The following POLR3E variants were observed in gnomAD, a reference collection of about 807,000 sequenced individuals.
POLR3E encodes DNA-directed RNA polymerase III subunit RPC5.
In POLR3E, 41 loss-of-function variants were observed where a neutral mutation model predicts 96.6. The ratio of observed to expected loss-of-function variants is 0.42; its 90% CI spans 0.33 to 0.55. The LOEUF (loss-of-function observed/expected upper bound fraction) is 0.55, where lower values mean the gene tolerates loss of function less well. Ranked by LOEUF, POLR3E falls within the 20% of genes least tolerant of loss-of-function variation. The probability of loss-of-function intolerance (pLI) is 0.06; values close to 1 mark genes in which losing one functional copy is unlikely to be tolerated. For missense variants in POLR3E, 849 were observed against 952.1 expected (o/e 0.89, Z 1.43); for synonymous variants, 396 against 383.6 (o/e 1.03, Z -0.38).
chr16:22,310,565 G>A (rs964730536), intron 6 of POLR3E, among the ~76,000 whole-genome samples: 1 of 151,234 alleles, frequency 6.6e-6, no homozygotes, highest in African/African-American at 2.4e-5. Flanking sequence ...GGGATTACAG[G>A]TGTGAGCCAC....
chr16:22,328,470 G>T lies in POLR3E; in HGVS notation c.1867-40G>T, dbSNP rs373454891. The T allele has an allele frequency of 2.3e-5, 35 of 1,541,306 alleles. No individual in the cohort carries two copies. The African/African-American group carries it at 4.5e-4, about 20-fold the overall frequency. Reference sequence around the variant, plus strand: ...TGAGGCAAGCAAATGGATCCATGGGGTAGAGATGGACAAGCAACTCACCCC... The same window carrying T: ...TGAGGCAAGCAAATGGATCCATGGGTTAGAGATGGACAAGCAACTCACCCC... On this transcript the variant is annotated intron_variant, in intron 18 of 20. Coordinates refer to ENST00000299853, the MANE Select transcript of POLR3E (RefSeq NM_018119.4).
At chr16:22,311,957 G>A (rs1449449042) in intron 6 of POLR3E, among the ~76,000 whole-genome samples, 2 of 152,166 alleles carry the variant, frequency 1.3e-5, no homozygotes, top group African/African-American at 2.4e-5. Flanking sequence ...TGCACTCTGC[G>A]ATGTTTGCAC....
At chr16:22,300,887 G>C (rs1465623441) in intron 1 of POLR3E, among the ~76,000 whole-genome samples, 1 of 152,138 alleles carries the variant, frequency 6.6e-6, no homozygotes, top group Non-Finnish European at 1.5e-5. Context: ...CTGTGTACTA[G>C]GCACTTGGGG....
chr16:22,329,938 TAGC>T (rs2048700316), intron 19 of POLR3E, among the ~76,000 whole-genome samples: 1 of 151,386 alleles, frequency 6.6e-6, no homozygotes, highest in South Asian at 2.1e-4. Context: ...ACCACTAAAA[TAGC>T]TGCCCCCATT....
At chr16:22,315,366 C>T (rs898658969) in intron 9 of POLR3E, among the ~76,000 whole-genome samples, 158 bp downstream of exon 9, 2 of 152,180 alleles carry the variant, frequency 1.3e-5, no homozygotes, top group African/African-American at 4.8e-5. Context: ...TCACTCCAGC[C>T]GAGCCACTTA....
chr16:22,312,873 CAA>C (rs1167609047), intron 6 of POLR3E, among the ~76,000 whole-genome samples: 1 of 30,398 alleles, frequency 3.3e-5, no homozygotes. Flanking sequence ...CACTCCATCT[CAA>C]AAAAAAAAAA....
intron 19 of POLR3E, among the ~76,000 whole-genome samples, chr16:22,329,843 A>G (rs1214891611): frequency 2.0e-5 from 3 of 151,668 alleles, no homozygotes; most frequent in Non-Finnish European, 4.4e-5. Context: ...TGGCCAGGCT[A>G]GTCTTGAACT....
At chr16:22,309,194 C>T (rs907138519) in intron 5 of POLR3E, 154 bp downstream of exon 5, 5 of 652,704 alleles carry the variant, frequency 7.7e-6, no homozygotes, top group Non-Finnish European at 1.4e-5. Context: ...ACTCTGCCCT[C>T]CTGAACTAGC....
chr16:22,325,716 C>A (rs1389378198), intron 17 of POLR3E, 45 bp from the exon 18 acceptor site: 2 of 1,507,782 alleles, frequency 1.3e-6, no homozygotes, highest in Non-Finnish European at 1.8e-6. Flanking sequence ...CTTTTGGCTT[C>A]AGATCCCTGT....
chr16:22,321,061 G>A (rs1437893932), intron 13 of POLR3E, among the ~76,000 whole-genome samples: 1 of 152,152 alleles, frequency 6.6e-6, no homozygotes, highest in Non-Finnish European at 1.5e-5. Flanking sequence ...GCCTTTCAGT[G>A]GTTTCTCTTC....
rs772083914 is a variant in POLR3E at position 22,325,284 on chromosome 16, G to A, written c.1348+18G>A. ...ACAATCAGGTGTGTGAGGGGCTTTG[G>A]GCTGGGAGGCCCCGGCTCCTACACT... On this transcript the variant is annotated intron_variant, in intron 17 of 20. Coordinates refer to ENST00000299853, the MANE Select transcript of POLR3E (RefSeq NM_018119.4). The A allele has an allele frequency of 6.2e-7, 1 of 1,603,654 alleles. No individual in the cohort carries two copies. The highest frequency in any genetic ancestry group is 1.7e-5 in the Admixed American group (1 of 60,006).
intron 8 of POLR3E, 45 bp from the exon 9 acceptor site, chr16:22,315,044 G>C (rs939426351): frequency 1.2e-6 from 2 of 1,601,724 alleles, no homozygotes; most frequent in African/African-American, 2.7e-5. Context: ...AGTCCAGCAA[G>C]GGTCACAGGC....
Position 22,326,224 on chromosome 16 carries a change from C to A in POLR3E, c.1812C>A (p.Asp604Glu), listed in dbSNP as rs1420140642. Residue 604 changes from aspartate (D) to glutamate (E), a missense_variant, in exon 18 of 21, where the codon GAC becomes GAA. Coordinates refer to ENST00000299853, the MANE Select transcript of POLR3E (RefSeq NM_018119.4). Reference protein sequence around the residue: ...PGHTLFSGISDRMLQDTVLAA... With the variant: ...PGHTLFSGISERMLQDTVLAA... ...ACACACTCTTCAGCGGCATCTCGGACCGCATGCTACAGGACACGGTGCTGG... is the reference window on the plus strand; with the variant it reads ...ACACACTCTTCAGCGGCATCTCGGAACGCATGCTACAGGACACGGTGCTGG... The A allele has an allele frequency of 6.2e-7, 1 of 1,613,392 alleles. No individual in the cohort carries two copies. The highest frequency in any genetic ancestry group is 8.5e-7 in the Non-Finnish European group (1 of 1,179,856).
chr16:22,316,992 C>T lies in POLR3E; in HGVS notation c.729-3C>T. 2.5e-6 allele frequency: 4 copies of T among 1,614,022 alleles called. No individual in the cohort carries two copies. The highest frequency in any genetic ancestry group is 3.4e-6 in the Non-Finnish European group (4 of 1,179,860). ...AGCCTCTGCCCCTGCCATGTCCCTG[C>T]AGTGAGTACCTGATGATGCTGATGC... On this transcript the variant is annotated splice_polypyrimidine_tract_variant and splice_region_variant and intron_variant, in intron 10 of 20. Transcript: ENST00000299853.
At chr16:22,298,627 C>T (rs994058032) in intron 1 of POLR3E, among the ~76,000 whole-genome samples, 1 of 152,154 alleles carries the variant, frequency 6.6e-6, no homozygotes, top group Admixed American at 6.5e-5. Flanking sequence ...TGCCGTTTAT[C>T]AGAAAACCGT....
At chr16:22,309,353 G>C in intron 5 of POLR3E, 75 bp from the exon 6 acceptor site, 1 of 1,092,878 alleles carries the variant, frequency 9.2e-7, no homozygotes, top group South Asian at 1.2e-5. Flanking sequence ...TGTCTAGGGG[G>C]TGGGGTGCGC....
At chr16:22,314,277 C>T in intron 8 of POLR3E, 149 bp downstream of exon 8, 1 of 664,564 alleles carries the variant, frequency 1.5e-6, no homozygotes. Context: ...AGGGAACAAC[C>T]TGAGTTGTTC....
intron 18 of POLR3E, chr16:22,326,993 G>C (rs988838737): frequency 1.3e-5 from 2 of 151,752 alleles, no homozygotes; most frequent in Non-Finnish European, 3.0e-5. Context: ...GGGCCCTGAC[G>C]GGGGAGCAGA....
rs773310116 is a variant in POLR3E at position 22,322,787 on chromosome 16, A to C, written c.987-63A>C. On this transcript the variant is annotated intron_variant, in intron 13 of 20. Coordinates refer to ENST00000299853, the MANE Select transcript of POLR3E (RefSeq NM_018119.4). This position sits in a 1 kb window ranked among gnomAD's most constrained non-coding sequence, Gnocchi z 5.2. ...AAGCATGGACTGGGGCTTGGCCGGG[A>C]GGGGTAGCGGTAGAGGGGGCTCAGG... The C allele has an allele frequency of 8.6e-7, 1 of 1,162,120 alleles. No homozygotes were observed. Among genetic ancestry groups the C allele is most frequent in the Non-Finnish European group, 1.3e-6 (1 of 780,104 alleles). The allele number at this position is 1,162,120 out of a possible 1,614,324, so 72.0% of individuals were successfully genotyped here. A position where few individuals can be genotyped will look rare whatever the true frequency, so the allele number is the denominator to read the frequency against.
Sources: allele counts gnomAD v4.1 joint callset (sites outside exome capture counted in the v4.1 genomes callset), GRCh38; gene constraint gnomAD v4.1.1; non-coding constraint Gnocchi (gnomAD v3.1); transcripts MANE v1.5; gene names NCBI Gene and HGNC (gene_info 2026-07-23, HGNC 2026-07-21).